Variants in SMC4 observed in about 807,000 individuals in gnomAD.
SMC4 encodes the protein structural maintenance of chromosomes 4, also known as structural maintenance of chromosomes protein 4.
A neutral mutation model predicts 145.6 loss-of-function variants in SMC4; 87 were observed. That is an observed-to-expected ratio of 0.60 (90% CI 0.50 to 0.71). The LOEUF is 0.71. Ranked by LOEUF, SMC4 falls within the 30% of genes least tolerant of loss-of-function variation. SMC4 has a pLI of 0.00. For missense variants in SMC4, 1,447 were observed against 1,537.1 expected (o/e 0.94, Z 0.98); for synonymous variants, 558 against 500.7 (o/e 1.11, Z -1.53).
chr3:160,419,025 A>G (rs1716884711), intron 11 of SMC4, among the ~76,000 whole-genome samples: 2 of 152,238 alleles, frequency 1.3e-5, no homozygotes, highest in Non-Finnish European at 2.9e-5. Flanking sequence ...CTGAAGAATT[A>G]GGGCACACTT....
At position 160,401,895 on chromosome 3, in the gene SMC4, C is replaced by T. The variant is rs2108443489; in HGVS notation, c.140-20C>T. On this transcript the variant is annotated intron_variant, in intron 2 of 23. Transcript: ENST00000357388. ...TCCCCCGCCGTTTGCCTTCGTTTTCCTTTCCTTTCACTGACTTAGAGACTG... is the reference window on the plus strand; with the variant it reads ...TCCCCCGCCGTTTGCCTTCGTTTTCTTTTCCTTTCACTGACTTAGAGACTG... 1.3e-6 allele frequency: 2 copies of T among 1,568,386 alleles called. No individual in the cohort carries two copies. Among genetic ancestry groups the T allele is most frequent in the Non-Finnish European group, 1.7e-6 (2 of 1,164,300 alleles).
chr3:160,412,284 T>G, intron 6 of SMC4, 42 bp from the exon 7 acceptor site: 1 of 1,549,580 alleles, frequency 6.5e-7, no homozygotes, highest in Non-Finnish European at 8.8e-7. Context: ...ATATTGTACA[T>G]ATGAAGTGTG....
At position 160,404,320 on chromosome 3, in the gene SMC4, C is replaced by T. The variant is rs1239824337; in HGVS notation, c.511-8C>T. On this transcript the variant is annotated splice_region_variant and splice_polypyrimidine_tract_variant and intron_variant, in intron 4 of 23. Coordinates refer to ENST00000357388, the MANE Select transcript of SMC4 (RefSeq NM_001002800.3). Reference sequence around the variant, plus strand: ...ATTGTTTTCTGGTTTTGTTTTTCCTCAAAACAGGAAGGGGATGATTATGAA... The same window carrying T: ...ATTGTTTTCTGGTTTTGTTTTTCCTTAAAACAGGAAGGGGATGATTATGAA... The T allele has an allele frequency of 6.3e-7, 1 of 1,590,958 alleles. No individual in the cohort carries two copies. Among genetic ancestry groups the T allele is most frequent in the African/African-American group, 1.4e-5 (1 of 73,360 alleles).
Position 160,427,196 on chromosome 3 carries a change from G to A in SMC4, c.2605+996G>A, listed in dbSNP as rs947854455. ...GGCTTTGTTTTAGGTCCTACTGATA[G>A]AGCAGTAAACAAAAATAAAGTCTCT... On this transcript the variant is annotated intron_variant, in intron 17 of 23. Transcript: ENST00000357388. 2.0e-5 allele frequency among the ~76,000 whole-genome samples: 3 copies of A among 152,186 alleles called. No homozygotes were observed. In the East Asian group the frequency reaches 5.8e-4, roughly 29 times the overall value.
In SMC4 at chr3:160,431,655, T is replaced by C. The variant is rs753086451; in HGVS notation, c.3127T>C (p.Ser1043Pro). 2.5e-6 allele frequency: 4 copies of C among 1,580,804 alleles called. No individual in the cohort carries two copies. Among genetic ancestry groups the C allele is most frequent in the African/African-American group, 1.4e-5 (1 of 72,498 alleles). Residue 1043 changes from serine to proline, a missense_variant, in exon 21 of 24, where the codon TCA becomes CCA. Transcript: ENST00000357388. ...ATTGAACTTTTAGATTTCAAAAATA[T>C]CACTGCATCCTATAGAAGATAATCC... ...KYWHKEISKI[S>P]LHPIEDNPIE...
Position 160,432,413 on chromosome 3 carries a change from CAA to C in SMC4, c.3430_3431del (p.Asn1144Ter). 6.2e-7 allele frequency: 1 copy of C among 1,612,418 alleles called. No individual in the cohort carries two copies. Among genetic ancestry groups the C allele is most frequent in the East Asian group, 2.2e-5 (1 of 44,780 alleles). Reference sequence around the variant, plus strand: ...TTTATGGCAGGTTTTTATATAATAACAAATAAATTAAAGGAAAATTACCAAAT... The same window carrying C: ...TTTATGGCAGGTTTTTATATAATAACATAAATTAAAGGAAAATTACCAAAT... On this transcript the variant is annotated frameshift_variant, in exon 22 of 24. Coordinates refer to ENST00000357388, the MANE Select transcript of SMC4 (RefSeq NM_001002800.3). LOFTEE classifies it high-confidence loss of function.
chr3:160,414,413 T>G lies in SMC4; in HGVS notation c.1168T>G (p.Phe390Val), dbSNP rs1290460570. 2 of 1,608,908 alleles carry G rather than the reference T, an allele frequency of 1.2e-6. No individual in the cohort carries two copies. Among genetic ancestry groups the G allele is most frequent in the Admixed American group, 3.4e-5 (2 of 59,382 alleles). ...TKFIEENKEK[F>V]TQLDLEDVQV... is the part of the protein sequence containing the mutation. ...ATTTATTGAGGAGAATAAAGAAAAA[T>G]TTACACAGCTAGATTTGGAAGATGT... Residue 390 changes from phenylalanine (F) to valine (V), a missense_variant, in exon 9 of 24, where the codon TTT becomes GTT. Transcript: ENST00000357388.
rs757362397 is a variant in SMC4, at chr3:160,417,849, A to G, written c.1564A>G (p.Lys522Glu). The G allele has an allele frequency of 1.2e-6, 2 of 1,613,752 alleles. No individual in the cohort carries two copies. ...TAATACTGCAGTGTCTCAATTAACT[A>G]AGGCTAAGGAAGCTCTAATTGCAGC... is the stretch of plus-strand genomic sequence containing the variant. ...RHNTAVSQLTKAKEALIAASE... is the reference protein window; with the variant it reads ...RHNTAVSQLTEAKEALIAASE... Residue 522 changes from lysine (K) to glutamate (E), a missense_variant, in exon 11 of 24, where the codon AAG becomes GAG. Physicochemically the swap from Lys to Glu is moderately conservative, Grantham distance 56. Coordinates refer to ENST00000357388, the MANE Select transcript of SMC4 (RefSeq NM_001002800.3).
intron 2 of SMC4, 101 bp from the exon 3 acceptor site, chr3:160,401,814 A>C: frequency 2.4e-6 from 2 of 828,292 alleles, no homozygotes; most frequent in Non-Finnish European, 3.8e-6. Context: ...TCCATCCCCT[A>C]CTTTAAAGAT....
Position 160,431,108 on chromosome 3 carries a change from C to A in SMC4, c.3017C>A (p.Ala1006Asp). 6.2e-7 allele frequency: 1 copy of A among 1,607,594 alleles called. No individual in the cohort carries two copies. The highest frequency in any genetic ancestry group is 1.3e-5 in the African/African-American group (1 of 74,628). Residue 1006 changes from alanine (A) to aspartate (D), a missense_variant, in exon 20 of 24, where the codon GCT (alanine) becomes GAT (aspartate). By Grantham distance (126) the Ala-to-Asp change is moderately radical (BLOSUM62 -2). Coordinates refer to ENST00000357388, the MANE Select transcript of SMC4 (RefSeq NM_001002800.3). ...AAAGTTATTCAAGAAAATGAACATG[C>A]TCTTCAAAAAGATGCACTTAGTATT... Reference protein sequence around the residue: ...ELKVIQENEHALQKDALSIKL... With the variant: ...ELKVIQENEHDLQKDALSIKL...
At chr3:160,430,164 T>G (rs2108502754) in intron 18 of SMC4, among the ~76,000 whole-genome samples, 1 of 92,874 alleles carries the variant, frequency 1.1e-5, no homozygotes, top group African/African-American at 4.2e-5. Flanking sequence ...TAATCCAGAG[T>G]GTTTTGCTCA....
At chr3:160,419,964 T>C (rs954401116) in intron 12 of SMC4, among the ~76,000 whole-genome samples, 1 of 152,098 alleles carries the variant, frequency 6.6e-6, no homozygotes, top group Non-Finnish European at 1.5e-5. Context: ...AAAAAAATTT[T>C]TTTATATATT....
intron 13 of SMC4, among the ~76,000 whole-genome samples, chr3:160,422,539 C>T (rs1385611836): frequency 6.6e-6 from 1 of 152,024 alleles, no homozygotes; most frequent in African/African-American, 2.4e-5. Flanking sequence ...TAATTGGTTT[C>T]TCTTTGTTGA....
intron 10 of SMC4, among the ~76,000 whole-genome samples, chr3:160,417,256 TAA>T (rs749278865): frequency 6.6e-6 from 1 of 152,156 alleles, no homozygotes; most frequent in East Asian, 1.9e-4. Context: ...AAGTGTCACT[TAA>T]TAGAGTCTGC....
chr3:160,411,700 A>C lies in SMC4; in HGVS notation c.688-220A>C, dbSNP rs977081462. The C allele has an allele frequency of 2.6e-5, 10 of 384,470 alleles. No individual in the cohort carries two copies. In the South Asian group the frequency reaches 5.3e-4, roughly 20 times the overall value. 23.8% of individuals were successfully genotyped at this position (384,470 alleles called of 1,614,324 possible). ...ATAAGGATTTATCTAAGGGAATATA[A>C]ATTCATGTTTCATATCTCCCTGTGT... On this transcript the variant is annotated intron_variant, in intron 5 of 23. Coordinates refer to ENST00000357388, the MANE Select transcript of SMC4 (RefSeq NM_001002800.3).
chr3:160,401,012 G>T, intron 2 of SMC4, 47 bp downstream of exon 2: 1 of 1,362,718 alleles, frequency 7.3e-7, no homozygotes, highest in Non-Finnish European at 9.4e-7. Context: ...TGTGGGACTG[G>T]CAGGCAAACG....
intron 7 of SMC4, 113 bp downstream of exon 7, chr3:160,412,566 A>T: frequency 7.2e-7 from 1 of 1,383,238 alleles, no homozygotes; most frequent in East Asian, 2.9e-5. Flanking sequence ...AAATCTCTAA[A>T]TATTGTTTTG....
At chr3:160,428,648 T>C (rs1035845964) in intron 17 of SMC4, 105 bp from the exon 18 acceptor site, 57 of 1,033,492 alleles carry the variant, frequency 5.5e-5, no homozygotes, top group Middle Eastern at 3.1e-4. Flanking sequence ...TAAAATTTGT[T>C]TTAATGCATC....
chr3:160,432,680 G>A (rs183980068), intron 22 of SMC4, 165 bp downstream of exon 22: 1 of 551,182 alleles, frequency 1.8e-6, no homozygotes, highest in Non-Finnish European at 3.2e-6. Flanking sequence ...CAGTTTACAG[G>A]GGCAGACAGC....
Sources: gnomAD v4.1 joint callset for allele counts (sites outside exome capture counted in the v4.1 genomes callset) on GRCh38, gnomAD v4.1.1 for gene constraint, MANE v1.5 for transcripts, NCBI Gene and HGNC (gene_info 2026-07-23, HGNC 2026-07-21) for gene names.